Variants in PGR observed in about 807,000 individuals in gnomAD.
PGR encodes the protein nuclear receptor subfamily 3 group C member 3.
Under a neutral mutation model 76.1 loss-of-function variants are expected in PGR, and 25 were observed. The ratio of observed to expected loss-of-function variants is 0.33; its 90% CI spans 0.24 to 0.46. The LOEUF (loss-of-function observed/expected upper bound fraction) is 0.46, where lower values mean the gene tolerates loss of function less well. Ranked by LOEUF, PGR falls within the 20% of genes least tolerant of loss-of-function variation. The pLI is 1.00. For synonymous variants in PGR, 579 were observed against 535.0 expected, an observed-to-expected ratio of 1.08 and a Z score of -1.14; for missense variants, 1,172 against 1,225.3, an observed-to-expected ratio of 0.96 and a Z score of 0.65.
chr11:101,046,397 C>T (rs1859889080), intron 6 of PGR, among the ~76,000 whole-genome samples: 1 of 146,514 alleles, frequency 6.8e-6, no homozygotes, highest in South Asian at 2.1e-4. Flanking sequence ...AAGCCATCTG[C>T]CCAGCTTGCC....
intron 4 of PGR, among the ~76,000 whole-genome samples, chr11:101,055,414 CAAAAAAAAAAAAAAAAA>C (rs61303675): frequency 1.1e-4 from 7 of 65,040 alleles, no homozygotes; most frequent in Non-Finnish European, 1.6e-4. Context: ...GACTCCATCT[CAAAAAAAAAAAAAAAAA>C]AAAAAAAAAA....
intron 2 of PGR, among the ~76,000 whole-genome samples, chr11:101,094,434 T>G (rs911825385): frequency 1.3e-5 from 2 of 152,234 alleles, no homozygotes; most frequent in Admixed American, 1.3e-4. Flanking sequence ...TTTCTGACTC[T>G]TGACCTGTCT....
intron 3 of PGR, among the ~76,000 whole-genome samples, chr11:101,065,697 T>C (rs760568351): frequency 2.0e-5 from 3 of 152,134 alleles, no homozygotes; most frequent in Non-Finnish European, 4.4e-5. Context: ...CCCACTCCCC[T>C]GCCCGCTGCA....
intron 2 of PGR, among the ~76,000 whole-genome samples, chr11:101,111,301 C>T (rs986463058): frequency 1.3e-5 from 2 of 152,158 alleles, no homozygotes; most frequent in African/African-American, 4.8e-5. Context: ...CACAGCCTGC[C>T]TGCCTTCTAT....
At chr11:101,117,490 A>G (rs1050907756) in intron 2 of PGR, among the ~76,000 whole-genome samples, 1 of 152,154 alleles carries the variant, frequency 6.6e-6, no homozygotes, top group African/African-American at 2.4e-5. Flanking sequence ...GAGATTACAT[A>G]GCAAATGGAG....
chr11:101,047,665 G>C (rs1217145354), intron 6 of PGR, among the ~76,000 whole-genome samples: 1 of 152,052 alleles, frequency 6.6e-6, no homozygotes, highest in Non-Finnish European at 1.5e-5. Flanking sequence ...AAGACCTTAG[G>C]CTCACCCTCG....
chr11:101,069,349 G>C (rs892550126), intron 3 of PGR, among the ~76,000 whole-genome samples: 1 of 152,166 alleles, frequency 6.6e-6, no homozygotes, highest in African/African-American at 2.4e-5. Flanking sequence ...TCATTAAAAA[G>C]TCAGGAAACA....
At chr11:101,039,787 G>A (rs1290274260) in intron 7 of PGR, among the ~76,000 whole-genome samples, 1 of 151,976 alleles carries the variant, frequency 6.6e-6, no homozygotes, top group Non-Finnish European at 1.5e-5. Flanking sequence ...AGCAGCAGCA[G>A]CAGCATCAAT....
At chr11:101,049,798 G>A in intron 6 of PGR, 131 bp downstream of exon 6, 1 of 672,930 alleles carries the variant, frequency 1.5e-6, no homozygotes, top group Admixed American at 2.6e-5. Flanking sequence ...ACAATATATT[G>A]GGTATTTCTT....
chr11:101,106,868 T>G (rs372123769), intron 2 of PGR, among the ~76,000 whole-genome samples: 1 of 152,168 alleles, frequency 6.6e-6, no homozygotes, highest in Non-Finnish European at 1.5e-5. Flanking sequence ...GTATACACCA[T>G]GGAATACTAT....
rs950323736 is a variant in PGR, at chr11:101,037,346, G to A, written c.*1770C>T. ...TACTACTGGACTGTAACTTTCCTGA[G>A]TTATATGTCTTTCTTCAGCTCCAAA... On this transcript the variant is annotated 3_prime_UTR_variant, in exon 8 of 8. Transcript: ENST00000325455. 5.9e-5 allele frequency: 12 copies of A among 201,770 alleles called. No individual in the cohort carries two copies. In the Admixed American group the frequency reaches 7.7e-4, roughly 13 times the overall value. The allele number at this position is 201,770 out of a possible 1,614,324, so 12.5% of individuals were successfully genotyped here. A position where few individuals can be genotyped will look rare whatever the true frequency, so the allele number is the denominator to read the frequency against.
At chr11:101,110,114 A>G (rs1306619998) in intron 2 of PGR, among the ~76,000 whole-genome samples, 1 of 152,184 alleles carries the variant, frequency 6.6e-6, no homozygotes. Flanking sequence ...GAAATGTACA[A>G]GAAGGTTAAT....
chr11:101,068,672 A>G (rs1294613482), intron 3 of PGR, among the ~76,000 whole-genome samples: 1 of 152,174 alleles, frequency 6.6e-6, no homozygotes, highest in African/African-American at 2.4e-5. Flanking sequence ...AAACAGATAT[A>G]TAGAACAATA....
intron 4 of PGR, among the ~76,000 whole-genome samples, chr11:101,059,262 A>T (rs867539946): frequency 6.6e-6 from 1 of 151,880 alleles, no homozygotes. Context: ...TTCTGTCCCC[A>T]CTTTCATTAT....
chr11:101,071,857 G>T (rs1860947500), intron 3 of PGR, among the ~76,000 whole-genome samples: 2 of 152,114 alleles, frequency 1.3e-5, no homozygotes, highest in South Asian at 2.1e-4. Flanking sequence ...TTTGATTGGT[G>T]TACCTGAAAG....
intron 3 of PGR, among the ~76,000 whole-genome samples, chr11:101,069,986 C>G (rs889972634): frequency 6.6e-6 from 1 of 151,514 alleles, no homozygotes; most frequent in African/African-American, 2.4e-5. Flanking sequence ...ACATGTATCC[C>G]AGAACTTAAA....
At chr11:101,091,657 AAAAAAC>A (rs1304871706) in intron 3 of PGR, 97 bp downstream of exon 3, 3 of 754,818 alleles carry the variant, frequency 4.0e-6, no homozygotes, top group South Asian at 1.4e-5. Context: ...ATCAAGACAG[AAAAAAC>A]AAAAACAAAG....
Position 101,128,028 on chromosome 11 carries a change from G to T in PGR, c.1043C>A (p.Ala348Asp). 6.2e-7 allele frequency: 1 copy of T among 1,608,322 alleles called. No individual in the cohort carries two copies. Residue 348 changes from alanine to aspartate, a missense_variant, in exon 1 of 8, where the codon GCC becomes GAC. Coordinates refer to ENST00000325455, the MANE Select transcript of PGR (RefSeq NM_000926.4). ...GCCTACAGCGACCGGGGTGGACGAG[G>T]CACAGGGTGAACTCCGCGGCGGGGC... is the stretch of plus-strand genomic sequence containing the variant. ...AFAPPRSSPC[A>D]SSTPVAVGDF...
At chr11:101,104,908 ATG>A (rs1862103790) in intron 2 of PGR, among the ~76,000 whole-genome samples, 1 of 152,172 alleles carries the variant, frequency 6.6e-6, no homozygotes, top group East Asian at 1.9e-4. Flanking sequence ...TAGTGGGGGA[ATG>A]TGTTAAGTGA....
Sources: gnomAD v4.1 joint callset for allele counts (sites outside exome capture counted in the v4.1 genomes callset) on GRCh38, gnomAD v4.1.1 for gene constraint, MANE v1.5 for transcripts, NCBI Gene and HGNC (gene_info 2026-07-23, HGNC 2026-07-21) for gene names.